PAOX: variants seen among roughly 807,000 people sequenced by gnomAD.
PAOX encodes the protein polyamine oxidase.
PAOX carries 38 observed loss-of-function variants against 39.0 expected under a neutral mutation model. The observed-to-expected ratio is 0.97, with a 90% CI of 0.75 to 1.28. The LOEUF (loss-of-function observed/expected upper bound fraction) is 1.28, where lower values mean the gene tolerates loss of function less well. Among genes scored for constraint, PAOX ranks in the 50% most tolerant of loss-of-function variants. PAOX has a pLI of 0.00. For missense variants in PAOX, 667 were observed against 685.7 expected (o/e 0.97, Z 0.30); for synonymous variants, 311 against 314.4 (o/e 0.99, Z 0.11).
At position 133,379,800 on chromosome 10, in the gene PAOX, C is replaced by T. The variant is rs1849302436; in HGVS notation, c.182-199C>T. Reference sequence around the variant, plus strand: ...GCGCCCCTCCCTCTGGTCCACACCGCCCGACAAGTGCCCTCCTGCCCAGGT... The same window carrying T: ...GCGCCCCTCCCTCTGGTCCACACCGTCCGACAAGTGCCCTCCTGCCCAGGT... On this transcript the variant is annotated intron_variant, in intron 1 of 6. Transcript: ENST00000278060. 1.0e-5 allele frequency: 7 copies of T among 683,562 alleles called. No homozygotes were observed. In the South Asian group the frequency reaches 2.4e-4, roughly 24 times the overall value. The allele number at this position is 683,562 out of a possible 1,614,324, so 42.3% of individuals were successfully genotyped here. A position where few individuals can be genotyped will look rare whatever the true frequency, so the allele number is the denominator to read the frequency against.
chr10:133,385,060 C>T (rs1254014878), intron 4 of PAOX, among the ~76,000 whole-genome samples: 1 of 152,186 alleles, frequency 6.6e-6, no homozygotes, highest in African/African-American at 2.4e-5. Flanking sequence ...CTTTGGGAGG[C>T]TGAGGCGGGT....
chr10:133,382,223 G>GGT (rs1849405990), intron 3 of PAOX, among the ~76,000 whole-genome samples: 2 of 152,162 alleles, frequency 1.3e-5, no homozygotes, highest in African/African-American at 4.8e-5. Flanking sequence ...AGCCTTGGGA[G>GGT]GTGTCTGTCA....
chr10:133,379,446 C>A lies in PAOX; in HGVS notation c.130C>A (p.Leu44Met). The A allele has an allele frequency of 8.2e-7, 1 of 1,225,448 alleles. No homozygotes were observed. Among genetic ancestry groups the A allele is most frequent in the Admixed American group, 4.3e-5 (1 of 23,480 alleles). The allele number at this position is 1,225,448 out of a possible 1,614,324, so 75.9% of individuals were successfully genotyped here. Residue 44 changes from leucine (L) to methionine (M), a missense_variant, in exon 1 of 7, where the codon CTG (leucine) becomes ATG (methionine). Leu to Met is a conservative substitution (Grantham distance 15). Coordinates refer to ENST00000278060, the MANE Select transcript of PAOX (RefSeq NM_152911.4). ...CTCCGCCTTCCCGCACCTGCGGGTC[C>A]TGGAGGCCACGGCCCGCGCCGGGGG... ...GHSAFPHLRV[L>M]EATARAGGRI...
intron 4 of PAOX, among the ~76,000 whole-genome samples, chr10:133,387,238 C>T (rs1378675004): frequency 6.6e-6 from 1 of 151,826 alleles, no homozygotes; most frequent in African/African-American, 2.4e-5. Context: ...GTGATCAAGC[C>T]ACTGAACTCC....
In PAOX at chr10:133,380,043, C is replaced by T. The variant is rs1426414498; in HGVS notation, c.226C>T (p.Arg76Trp). 6 of 1,522,958 alleles carry T rather than the reference C, an allele frequency of 3.9e-6. No individual in the cohort carries two copies. In the East Asian group the frequency reaches 9.0e-5, roughly 23 times the overall value. 94.3% of individuals were successfully genotyped at this position (1,522,958 alleles called of 1,614,324 possible). Residue 76 changes from arginine to tryptophan, a missense_variant, in exon 2 of 7, where the codon CGG becomes TGG. Arg to Trp is a moderately radical substitution (Grantham distance 101, BLOSUM62 -3). Transcript: ENST00000278060. ...VGAHWIHGPS[R>W]GNPVFQLAAE... ...CGCGCACTGGATCCATGGGCCCTCCCGGGGTAACCCCGTCTTCCAGCTGGC... is the reference window on the plus strand; with the variant it reads ...CGCGCACTGGATCCATGGGCCCTCCTGGGGTAACCCCGTCTTCCAGCTGGC...
chr10:133,382,656 C>A (rs1438892295), intron 3 of PAOX, among the ~76,000 whole-genome samples: 1 of 152,060 alleles, frequency 6.6e-6, no homozygotes, highest in East Asian at 1.9e-4. Context: ...GTGGCAGGCA[C>A]CTGTAATTCC....
At position 133,391,368 on chromosome 10, in the gene PAOX, C is replaced by T. The variant is rs146088141; in HGVS notation, c.1449C>T (p.His483=). 1,869 of 1,613,518 alleles carry T rather than the reference C, an allele frequency of 1.2e-3. 2 individuals carry two copies. Among genetic ancestry groups the T allele is most frequent in the Non-Finnish European group, 1.5e-3 (1,738 of 1,180,038 alleles). ...ATCGCACGTTTTACTCCACGACGCA[C>T]GGGGCTCTGCTGTCGGGATGGAGGG... ...ATHRTFYSTT[H]GALLSGWREA... Residue 483 remains histidine, a synonymous_variant, in exon 7 of 7, where the codon CAC becomes CAT. Transcript: ENST00000278060.
intron 6 of PAOX, among the ~76,000 whole-genome samples, 164 bp downstream of exon 6, chr10:133,389,911 G>C (rs1224381928): frequency 6.6e-6 from 1 of 152,216 alleles, no homozygotes; most frequent in African/African-American, 2.4e-5. Context: ...TACTGTTTTT[G>C]TGAGAATTAT....
intron 6 of PAOX, among the ~76,000 whole-genome samples, chr10:133,390,409 T>TA (rs1849643144): frequency 1.1e-5 from 1 of 92,886 alleles, no homozygotes; most frequent in African/African-American, 4.9e-5. Flanking sequence ...AGAGTCGGTC[T>TA]CCACACACAC....
rs1849476950 is a variant in PAOX, at chr10:133,384,236, C to G, written c.1121+24C>G. On this transcript the variant is annotated intron_variant, in intron 4 of 6. Transcript: ENST00000278060. This position sits in a 1 kb window ranked among gnomAD's most constrained non-coding sequence, Gnocchi z 4.3. The stretch of plus-strand genomic sequence containing the variant: ...GCGTACGTTTGCTCCCTGAGAAGTT[C>G]TGCGAGTGGCTGGCTCATAGGCCTT... 6.2e-7 allele frequency: 1 copy of G among 1,607,530 alleles called. No individual in the cohort carries two copies. Among genetic ancestry groups the G allele is most frequent in the South Asian group, 1.1e-5 (1 of 90,622 alleles).
chr10:133,385,154 G>A (rs912302510), intron 4 of PAOX, among the ~76,000 whole-genome samples: 2 of 152,120 alleles, frequency 1.3e-5, no homozygotes, highest in Non-Finnish European at 2.9e-5. Flanking sequence ...AAAATTAGCC[G>A]GTGTGGTGGC....
chr10:133,390,689 C>T (rs1367165110), intron 6 of PAOX: 1 of 511,508 alleles, frequency 2.0e-6, no homozygotes, highest in Non-Finnish European at 3.5e-6. Flanking sequence ...TTCCAATCAG[C>T]TCATGGTCTC....
At chr10:133,391,258 C>G in intron 6 of PAOX, 54 bp from the exon 7 acceptor site, 1 of 1,564,752 alleles carries the variant, frequency 6.4e-7, no homozygotes, top group Non-Finnish European at 8.8e-7. Flanking sequence ...TTTCCTTGCC[C>G]AGACCCTGCT....
rs1849381389 is a variant in PAOX at position 133,381,566 on chromosome 10, G to A, written c.775G>A (p.Ala259Thr). Reference sequence around the variant, plus strand: ...CCACTGGAACGGGTCCTTCCAGGAGGCAGCCTTTCCCGGGGAGACCTTTCC... The same window carrying A: ...CCACTGGAACGGGTCCTTCCAGGAGACAGCCTTTCCCGGGGAGACCTTTCC... ...TIHWNGSFQE[A>T]AFPGETFPVS... Residue 259 changes from alanine (A) to threonine (T), a missense_variant, in exon 3 of 7, where the codon GCA becomes ACA. Physicochemically the swap from Ala to Thr is moderately conservative, Grantham distance 58. Coordinates refer to ENST00000278060, the MANE Select transcript of PAOX (RefSeq NM_152911.4). 1 of 1,613,856 alleles carries A rather than the reference G, an allele frequency of 6.2e-7. No homozygotes were observed. Among genetic ancestry groups the A allele is most frequent in the Non-Finnish European group, 8.5e-7 (1 of 1,180,032 alleles).
chr10:133,380,143 G>A lies in PAOX; in HGVS notation c.326G>A (p.Gly109Asp). Residue 109 changes from glycine to aspartate, a missense_variant, in exon 2 of 7, where the codon GGC (glycine) becomes GAC (aspartate). Physicochemically the swap from Gly to Asp is moderately conservative, Grantham distance 94. Coordinates refer to ENST00000278060, the MANE Select transcript of PAOX (RefSeq NM_152911.4). ...CTGGTGGAGACCGGGGGTCACGTGG[G>A]CCTGCCCTCCGTGAGCTACGCCAGC... ...NQLVETGGHV[G>D]LPSVSYASSG... 6.3e-7 allele frequency: 1 copy of A among 1,598,294 alleles called. No homozygotes were observed. Among genetic ancestry groups the A allele is most frequent in the Non-Finnish European group, 8.5e-7 (1 of 1,171,424 alleles).
At position 133,379,930 on chromosome 10, in the gene PAOX, CAGG is replaced by C. The variant is rs1301562808; in HGVS notation, c.182-66_182-64del. On this transcript the variant is annotated intron_variant, in intron 1 of 6. Transcript: ENST00000278060. ...TGGGAAGGCCAGCGTGGGCGTGGCC[CAGG>C]AGAAGGGCTCGGGGTGACCCTTCTA... 27 of 1,495,902 alleles carry C rather than the reference CAGG, an allele frequency of 1.8e-5. No homozygotes were observed. The African/African-American group carries it at 2.4e-4, about 13-fold the overall frequency. 92.7% of individuals were successfully genotyped at this position (1,495,902 alleles called of 1,614,324 possible).
Position 133,380,283 on chromosome 10 carries a change from G to C in PAOX, c.466G>C (p.Gly156Arg). The change falls in exon 2 of 7, where the codon GGG becomes CGG. Residue 156 changes from glycine to arginine, a missense_variant. By Grantham distance (125) the Gly-to-Arg change is moderately radical. Coordinates refer to ENST00000278060, the MANE Select transcript of PAOX (RefSeq NM_152911.4). The part of the protein sequence containing the change: ...HAAETPVPSV[G>R]EYLKKEIGQH... ...TGCAGAGACCCCGGTGCCCAGCGTC[G>C]GGGAGTACCTCAAGAAGGAGATTGG... 1 of 1,612,872 alleles carries C rather than the reference G, an allele frequency of 6.2e-7. No individual in the cohort carries two copies. The highest frequency in any genetic ancestry group is 8.5e-7 in the Non-Finnish European group (1 of 1,180,026).
rs771943550 is a variant in PAOX at position 133,391,425 on chromosome 10, G to A, written c.1506G>A (p.Pro502=). ...EADRLLSLWA[P]QVQQPRPRL ...ACCGCCTCCTCAGTCTGTGGGCCCC[G>A]CAGGTGCAGCAGCCCAGGCCCAGGC... The change falls in exon 7 of 7, where the codon CCG becomes CCA. Residue 502 remains proline (P), a synonymous_variant. Transcript: ENST00000278060. 54 of 1,612,512 alleles carry A rather than the reference G, an allele frequency of 3.3e-5. 2 individuals are homozygous for A. In the Middle Eastern group the frequency reaches 1.2e-3, roughly 34 times the overall value.
At position 133,389,559 on chromosome 10, in the gene PAOX, T is replaced by C. The variant is rs760059428; in HGVS notation, c.1235-31T>C. ...GTTGCAGACCTGTGGGTGAGAGTTC[T>C]CGGTTAACATGCAGTGTCTCTGTGG... On this transcript the variant is annotated intron_variant, in intron 5 of 6. Coordinates refer to ENST00000278060, the MANE Select transcript of PAOX (RefSeq NM_152911.4). 7 of 1,613,490 alleles carry C rather than the reference T, an allele frequency of 4.3e-6. No homozygotes were observed. The South Asian group carries it at 7.7e-5, about 18-fold the overall frequency.
Sources: allele counts gnomAD v4.1 joint callset (sites outside exome capture counted in the v4.1 genomes callset), GRCh38; gene constraint gnomAD v4.1.1; non-coding constraint Gnocchi (gnomAD v3.1); transcripts MANE v1.5; gene names NCBI Gene and HGNC (gene_info 2026-07-23, HGNC 2026-07-21).